The following PCED1B variants were observed in gnomAD, a reference collection of about 807,000 sequenced individuals.
The protein encoded by PCED1B is PC-esterase domain-containing protein 1B.
For missense variants in PCED1B, 573 were observed against 573.9 expected, an observed-to-expected ratio of 1.00 and a Z score of 0.02; for synonymous variants, 251 against 246.1, an observed-to-expected ratio of 1.02 and a Z score of -0.19.
chr12:47,211,454 C>T (rs1343785805), intron 2 of PCED1B, among the ~76,000 whole-genome samples: 1 of 148,784 alleles, frequency 6.7e-6, no homozygotes, highest in Non-Finnish European at 1.5e-5. Context: ...GAGTTCAAGA[C>T]CAGCCTGGCC....
intron 2 of PCED1B, among the ~76,000 whole-genome samples, chr12:47,129,381 T>C (rs1045855806): frequency 6.6e-6 from 1 of 151,950 alleles, no homozygotes; most frequent in Non-Finnish European, 1.5e-5. Flanking sequence ...TCCAGCTACT[T>C]AAGAGGCTGA....
At chr12:47,233,157 T>C (rs964765154) in intron 3 of PCED1B, among the ~76,000 whole-genome samples, 1 of 152,180 alleles carries the variant, frequency 6.6e-6, no homozygotes, top group African/African-American at 2.4e-5. Flanking sequence ...CCCTTCCACC[T>C]TGGCCTTCCA....
At chr12:47,128,986 A>G (rs567695997) in intron 2 of PCED1B, among the ~76,000 whole-genome samples, 36 of 152,300 alleles carry the variant, frequency 2.4e-4, no homozygotes, top group African/African-American at 8.4e-4. Context: ...TGGCAAAGAA[A>G]CTGGGAAGCT....
chr12:47,084,204 T>A (rs1030725505), intron 1 of PCED1B, among the ~76,000 whole-genome samples: 2 of 152,216 alleles, frequency 1.3e-5, no homozygotes, highest in Non-Finnish European at 2.9e-5. Flanking sequence ...AGCCTACAGT[T>A]GAGCAAAATC....
chr12:47,216,198 T>C (rs984181814), intron 2 of PCED1B, 24 bp from the exon 3 acceptor site: 4 of 152,254 alleles, frequency 2.6e-5, no homozygotes, highest in African/African-American at 7.2e-5. Flanking sequence ...ACTTCCTCCT[T>C]TCCCCTTCTG....
At chr12:47,111,852 A>G (rs925968381) in intron 2 of PCED1B, among the ~76,000 whole-genome samples, 1 of 152,204 alleles carries the variant, frequency 6.6e-6, no homozygotes, top group Admixed American at 6.5e-5. Context: ...ACTTCTTCTC[A>G]TGGTAAAGGG....
chr12:47,176,979 A>G (rs988413537), intron 2 of PCED1B, among the ~76,000 whole-genome samples: 3 of 152,228 alleles, frequency 2.0e-5, no homozygotes, highest in African/African-American at 7.2e-5. Flanking sequence ...GGATGGCAGG[A>G]AGATACAATT....
chr12:47,175,020 C>T (rs1941876571), intron 2 of PCED1B, among the ~76,000 whole-genome samples: 1 of 152,150 alleles, frequency 6.6e-6, no homozygotes, highest in Non-Finnish European at 1.5e-5. Flanking sequence ...CATGTAATAA[C>T]TATATACCAT....
rs184124915 is a variant in PCED1B at position 47,106,660 on chromosome 12, C to A, written c.-526+2465C>A. The stretch of plus-strand genomic sequence containing the variant: ...CCATCTCCTTTATGGGGCCCCTCCC[C>A]ACAAGGGACCCATCAGCCTCACTTC... On this transcript the variant is annotated intron_variant, in intron 2 of 3. Coordinates refer to ENST00000546455, the MANE Select transcript of PCED1B (RefSeq NM_138371.3). Among the ~76,000 whole-genome samples, 84 of 152,352 alleles carry A rather than the reference C, an allele frequency of 5.5e-4. 2 individuals are homozygous for A. The East Asian group carries it at 0.014, about 26-fold the overall frequency.
intron 1 of PCED1B, among the ~76,000 whole-genome samples, chr12:47,090,287 A>T (rs1291331252): frequency 6.6e-6 from 1 of 152,242 alleles, no homozygotes; most frequent in Admixed American, 6.5e-5. Flanking sequence ...AGACATTATC[A>T]GACAGCTGAG....
intron 3 of PCED1B, among the ~76,000 whole-genome samples, chr12:47,221,088 T>C (rs1327053583): frequency 6.6e-6 from 1 of 152,146 alleles, no homozygotes. Flanking sequence ...GATGATGAAG[T>C]TTTATGTAAG....
chr12:47,082,042 G>A (rs770800932), intron 1 of PCED1B, among the ~76,000 whole-genome samples: 17 of 152,206 alleles, frequency 1.1e-4, no homozygotes, highest in Admixed American at 2.6e-4. Context: ...GTTGTAAAAG[G>A]ATTGAGTTTA....
chr12:47,193,825 T>C (rs890858295), intron 2 of PCED1B, among the ~76,000 whole-genome samples: 1 of 152,240 alleles, frequency 6.6e-6, no homozygotes, highest in East Asian at 1.9e-4. Context: ...ATTTCACCAG[T>C]TTATTTCAGG....
intron 2 of PCED1B, among the ~76,000 whole-genome samples, chr12:47,110,324 T>C (rs1939135909): frequency 6.6e-6 from 1 of 152,154 alleles, no homozygotes; most frequent in Non-Finnish European, 1.5e-5. Flanking sequence ...AATGTGAGCT[T>C]TTGTCAACAA....
At chr12:47,173,540 C>T (rs947599129) in intron 2 of PCED1B, among the ~76,000 whole-genome samples, 1 of 152,110 alleles carries the variant, frequency 6.6e-6, no homozygotes, top group African/African-American at 2.4e-5. Context: ...GTGTGAGCCA[C>T]CATGCCCGGC....
chr12:47,120,905 A>G (rs927589613), intron 2 of PCED1B, among the ~76,000 whole-genome samples: 8 of 152,200 alleles, frequency 5.3e-5, no homozygotes, highest in Non-Finnish European at 1.0e-4. Flanking sequence ...AAGATCACAC[A>G]TTATATGATT....
At position 47,186,816 on chromosome 12, in the gene PCED1B, A is replaced by C. The variant is rs531411645; in HGVS notation, c.-525-29406A>C. On this transcript the variant is annotated intron_variant, in intron 2 of 3. Transcript: ENST00000546455. ...TGTGATACTTCGTGATGGCAGCCCA[A>C]GGAAATTAACACAGCACAAAATCTT... 2.6e-5 allele frequency among the ~76,000 whole-genome samples: 4 copies of C among 152,322 alleles called. No homozygotes were observed. The South Asian group carries it at 8.3e-4, about 32-fold the overall frequency.
intron 3 of PCED1B, among the ~76,000 whole-genome samples, chr12:47,227,283 C>G (rs1195410785): frequency 6.6e-6 from 1 of 151,974 alleles, no homozygotes; most frequent in Non-Finnish European, 1.5e-5. Context: ...GCGATTCTCC[C>G]GCCTCAGCCT....
At chr12:47,112,556 T>C (rs1939245575) in intron 2 of PCED1B, among the ~76,000 whole-genome samples, 1 of 152,242 alleles carries the variant, frequency 6.6e-6, no homozygotes, top group Admixed American at 6.5e-5. Context: ...TGATTTTAGC[T>C]GAAGCTTTGT....
Sources: gnomAD v4.1 joint callset for allele counts (sites outside exome capture counted in the v4.1 genomes callset) on GRCh38, gnomAD v4.1.1 for gene constraint, MANE v1.5 for transcripts, NCBI Gene and HGNC (gene_info 2026-07-23, HGNC 2026-07-21) for gene names.